The following EIF3E variants were observed in gnomAD, a reference collection of about 807,000 sequenced individuals.
The protein encoded by EIF3E is eIF-3 p48.
Under a neutral mutation model 59.3 loss-of-function variants are expected in EIF3E, and 25 were observed. That is an observed-to-expected ratio of 0.42 (90% confidence interval 0.31 to 0.59). EIF3E has a LOEUF of 0.59. Among genes scored for constraint, EIF3E ranks in the 20% least tolerant of loss-of-function variants. The pLI, the probability that EIF3E is intolerant of heterozygous loss-of-function variation, is 0.15. For synonymous variants in EIF3E, 176 were observed against 170.2 expected (o/e 1.03, Z -0.26); for missense variants, 317 against 534.3 (o/e 0.59, Z 4.01).
In EIF3E at chr8:108,229,190, T is replaced by A. The variant is rs768249132; in HGVS notation, c.477A>T (p.Pro159=). Reference sequence around the variant, plus strand: ...AACTTAAAGCATTTCTATCTGTTGCTGGAACCTGTTTAAGAAATCATAATT... The same window carrying A: ...AACTTAAAGCATTTCTATCTGTTGCAGGAACCTGTTTAAGAAATCATAATT... The part of the protein sequence containing the change: ...EYLYFFRVLV[P]ATDRNALSSL... The change falls in exon 6 of 13, where the codon CCA becomes CCT. Residue 159 remains proline (P), a synonymous_variant. Coordinates refer to ENST00000220849, the MANE Select transcript of EIF3E (RefSeq NM_001568.3). 25 of 1,611,882 alleles carry A rather than the reference T, an allele frequency of 1.6e-5. No individual in the cohort carries two copies. In the Admixed American group the frequency reaches 3.5e-4, roughly 23 times the overall value.
chr8:108,232,055 A>C (rs1563634681), intron 5 of EIF3E: 1 of 152,172 alleles, frequency 6.6e-6, no homozygotes, highest in African/African-American at 2.4e-5. Flanking sequence ...CACTGCAAAA[A>C]ATAAAATTAA....
In EIF3E at chr8:108,242,686, C is replaced by G. The variant is rs907562747; in HGVS notation, c.91-773G>C. The G allele has an allele frequency of 8.9e-6, 10 of 1,120,628 alleles. No homozygotes were observed. The African/African-American group carries it at 1.6e-4, about 18-fold the overall frequency. 69.4% of individuals were successfully genotyped at this position (1,120,628 alleles called of 1,614,324 possible). A position where few individuals can be genotyped will look rare whatever the true frequency, so the allele number is the denominator to read the frequency against. ...AAAATCGAACCTTCCAAATTACATG[C>G]AGAACTCCTATAAATGAGTAAGACA... On this transcript the variant is annotated intron_variant, in intron 1 of 12. Coordinates refer to ENST00000220849, the MANE Select transcript of EIF3E (RefSeq NM_001568.3).
chr8:108,201,840 A>C lies in EIF3E; in HGVS notation c.*45T>G, dbSNP rs1815000762. 19 of 1,419,030 alleles carry C rather than the reference A, an allele frequency of 1.3e-5. No homozygotes were observed. Among genetic ancestry groups the C allele is most frequent in the Non-Finnish European group, 1.7e-5 (18 of 1,074,742 alleles). The allele number at this position is 1,419,030 out of a possible 1,614,324, so 87.9% of individuals were successfully genotyped here. ...CTTTATATAATAGTTTTATTATTTC[A>C]TCTTTCTTTGATAGTTTTTTTTTTC... On this transcript the variant is annotated 3_prime_UTR_variant, in exon 13 of 13. Coordinates refer to ENST00000220849, the MANE Select transcript of EIF3E (RefSeq NM_001568.3).
At chr8:108,207,785 A>C (rs1362323805) in intron 10 of EIF3E, among the ~76,000 whole-genome samples, 1 of 152,218 alleles carries the variant, frequency 6.6e-6, no homozygotes, top group Non-Finnish European at 1.5e-5. Flanking sequence ...AGAATTCTTA[A>C]GTGCTATTTC....
intron 8 of EIF3E, 80 bp downstream of exon 8, chr8:108,217,253 CT>C: frequency 8.7e-7 from 1 of 1,152,608 alleles, no homozygotes. Flanking sequence ...ACCTTAAGAA[CT>C]AAGTCTTACC....
At position 108,224,999 on chromosome 8, in the gene EIF3E, G is replaced by A. The variant is rs1378616524; in HGVS notation, c.722+3268C>T. On this transcript the variant is annotated intron_variant, in intron 7 of 12. Coordinates refer to ENST00000220849, the MANE Select transcript of EIF3E (RefSeq NM_001568.3). ...TAAGTACTAATCTTTCTAGTCTTCT[G>A]TATGACTAAATGGTAAGTATTCATA... 1.3e-5 allele frequency among the ~76,000 whole-genome samples: 2 copies of A among 151,500 alleles called. 1 individual carries two copies. Among genetic ancestry groups the A allele is most frequent in the African/African-American group, 4.9e-5 (2 of 40,800 alleles).
intron 10 of EIF3E, among the ~76,000 whole-genome samples, chr8:108,209,930 T>C (rs926774658): frequency 1.3e-5 from 2 of 152,190 alleles, no homozygotes; most frequent in African/African-American, 4.8e-5. Context: ...TGCTATATTT[T>C]ACTGTGGTTT....
At chr8:108,216,570 G>A in intron 8 of EIF3E, 57 bp from the exon 9 acceptor site, 1 of 1,178,122 alleles carries the variant, frequency 8.5e-7, no homozygotes, top group Non-Finnish European at 1.2e-6. Context: ...TTAGCAGATT[G>A]CCCCAGAATA....
intron 9 of EIF3E, among the ~76,000 whole-genome samples, chr8:108,214,963 T>G (rs1815274593): frequency 6.6e-6 from 1 of 152,174 alleles, no homozygotes; most frequent in African/African-American, 2.4e-5. Flanking sequence ...ACAACAAAGT[T>G]TGGTACTATC....
intron 3 of EIF3E, among the ~76,000 whole-genome samples, chr8:108,236,676 C>G (rs1485159043): frequency 5.3e-5 from 8 of 152,176 alleles, no homozygotes; most frequent in Non-Finnish European, 2.9e-5. Context: ...GTCCCCTCCT[C>G]CAATCTGTTA....
chr8:108,230,336 A>G (rs990930112), intron 5 of EIF3E, among the ~76,000 whole-genome samples: 1 of 152,182 alleles, frequency 6.6e-6, no homozygotes, highest in Non-Finnish European at 1.5e-5. Flanking sequence ...TTTAAGTGAC[A>G]TAAGACATAC....
At chr8:108,220,332 G>A (rs1003368564) in intron 7 of EIF3E, among the ~76,000 whole-genome samples, 3 of 152,164 alleles carry the variant, frequency 2.0e-5, no homozygotes, top group African/African-American at 7.2e-5. Context: ...TTCAACTGTA[G>A]TTAAATTTTG....
intron 9 of EIF3E, among the ~76,000 whole-genome samples, chr8:108,215,497 G>T (rs1034690131): frequency 6.6e-6 from 1 of 151,914 alleles, no homozygotes; most frequent in African/African-American, 2.4e-5. Context: ...GGGCGCCTAT[G>T]GTCCCAGCTA....
chr8:108,245,928 A>G (rs2129933279), intron 1 of EIF3E, among the ~76,000 whole-genome samples: 1 of 152,304 alleles, frequency 6.6e-6, no homozygotes, highest in Admixed American at 6.5e-5. Flanking sequence ...CATGAGCTAA[A>G]TGTTCCAAGA....
At chr8:108,216,586 A>C in intron 8 of EIF3E, 73 bp from the exon 9 acceptor site, 1 of 1,010,642 alleles carries the variant, frequency 9.9e-7, no homozygotes, top group South Asian at 1.5e-5. Context: ...GAATATCCCA[A>C]TCTTCTTGTT....
At position 108,241,855 on chromosome 8, in the gene EIF3E, A is replaced by G; in HGVS notation, c.149T>C (p.Met50Thr). 6.2e-7 allele frequency: 1 copy of G among 1,603,016 alleles called. No homozygotes were observed. The change falls in exon 2 of 13, where the codon ATG (methionine) becomes ACG (threonine). Residue 50 changes from methionine to threonine, a missense_variant. Transcript: ENST00000220849. The part of the protein sequence containing the change: ...GKLDLLSDTN[M>T]VDFAMDVYKN... Reference sequence around the variant, plus strand: ...GTATACATCCATAGCAAAGTCTACCATGTTGGTATCACTAAGAAGGTCCAA... The same window carrying G: ...GTATACATCCATAGCAAAGTCTACCGTGTTGGTATCACTAAGAAGGTCCAA...
chr8:108,237,336 C>T (rs1466126678), intron 3 of EIF3E, among the ~76,000 whole-genome samples: 1 of 152,160 alleles, frequency 6.6e-6, no homozygotes, highest in East Asian at 1.9e-4. Context: ...ACTGCCACCT[C>T]CGCCTCCCGG....
intron 7 of EIF3E, chr8:108,226,053 C>G (rs535240628): frequency 1.3e-5 from 2 of 152,154 alleles, no homozygotes; most frequent in East Asian, 3.9e-4. Context: ...CATTATGAAG[C>G]TGTTGAGAAA....
At position 108,248,686 on chromosome 8, in the gene EIF3E, A is replaced by G; in HGVS notation, c.17T>C (p.Leu6Ser). 6.2e-7 allele frequency: 1 copy of G among 1,614,190 alleles called. No individual in the cohort carries two copies. MAEYD[L>S]TTRIAHFLDR... ...CAAAAAGTGCGCGATGCGAGTAGTC[A>G]AGTCGTACTCCGCCATCTTGCCAAA... The change falls in exon 1 of 13, where the codon TTG (leucine) becomes TCG (serine). Residue 6 changes from leucine (L) to serine (S), a missense_variant. Physicochemically the swap from Leu to Ser is moderately radical, Grantham distance 145 (BLOSUM62 -2). Coordinates refer to ENST00000220849, the MANE Select transcript of EIF3E (RefSeq NM_001568.3).
Sources: gnomAD v4.1 joint callset for allele counts (sites outside exome capture counted in the v4.1 genomes callset) on GRCh38, gnomAD v4.1.1 for gene constraint, MANE v1.5 for transcripts, NCBI Gene and HGNC (gene_info 2026-07-23, HGNC 2026-07-21) for gene names.